The following PCDH7 variants were observed in gnomAD, a reference collection of about 807,000 sequenced individuals.
The protein encoded by PCDH7 is protocadherin 7.
Under a neutral mutation model 58.9 loss-of-function variants are expected in PCDH7, and 17 were observed. That is an observed-to-expected ratio of 0.29 (90% CI 0.20 to 0.43). PCDH7 has a LOEUF of 0.43. PCDH7 is among the 20% of genes least tolerant of loss of function. The pLI, the probability that PCDH7 is intolerant of heterozygous loss-of-function variation, is 1.00. For synonymous variants in PCDH7, 664 were observed against 616.4 expected (o/e 1.08, Z -1.14); for missense variants, 1,274 against 1,441.0 (o/e 0.88, Z 1.88).
chr4:30,989,146 G>A lies in PCDH7; in HGVS notation c.*7+38931G>A, dbSNP rs1176035646. 6.0e-5 allele frequency among the ~76,000 whole-genome samples: 9 copies of A among 149,832 alleles called. No individual in the cohort carries two copies. The East Asian group carries it at 1.8e-3, about 29-fold the overall frequency. ...ACTTTTTGGACAGAATCAAATCACA[G>A]TTTTTTTTTTCCAGAAACTTGTTTC... On this transcript the variant is annotated intron_variant, in intron 3 of 3. Transcript: ENST00000509759.
intron 1 of PCDH7, chr4:30,724,825 A>T: frequency 1.5e-6 from 2 of 1,371,926 alleles, no homozygotes; most frequent in South Asian, 4.0e-5. Context: ...TGAAAGAAGT[A>T]TTCAGAGTAG....
At chr4:31,144,397 C>G (rs1245927112), downstream of PCDH7, 2 of 152,168 alleles carry the variant, frequency 1.3e-5, no homozygotes, top group Admixed American at 1.3e-4. Flanking sequence ...GAGCTACTCA[C>G]TCTATAGAGG....
chr4:30,919,817 C>T (rs1418887276), intron 1 of PCDH7, among the ~76,000 whole-genome samples: 2 of 151,826 alleles, frequency 1.3e-5, no homozygotes, highest in African/African-American at 4.8e-5. Flanking sequence ...TTTTAGAGGC[C>T]ATTTCTGGAA....
chr4:30,962,239 G>A (rs1748500780), intron 3 of PCDH7, among the ~76,000 whole-genome samples: 1 of 152,112 alleles, frequency 6.6e-6, no homozygotes, highest in Non-Finnish European at 1.5e-5. Flanking sequence ...ATAAGCAAAT[G>A]ACTCTCGAAT....
chr4:30,937,919 G>C (rs1298724558), intron 2 of PCDH7, among the ~76,000 whole-genome samples: 1 of 151,226 alleles, frequency 6.6e-6, no homozygotes, highest in Non-Finnish European at 1.5e-5. Flanking sequence ...GGCGTGTGTA[G>C]TTTGCTAATA....
intron 3 of PCDH7, among the ~76,000 whole-genome samples, chr4:31,094,454 TA>T (rs200349371): frequency 5.3e-5 from 8 of 150,230 alleles, no homozygotes; most frequent in South Asian, 2.1e-4. Flanking sequence ...TCTTAAAGAC[TA>T]AAAAAAAAAT....
intron 1 of PCDH7, among the ~76,000 whole-genome samples, chr4:30,785,912 A>C (rs1456150570): frequency 6.6e-6 from 1 of 151,992 alleles, no homozygotes; most frequent in Non-Finnish European, 1.5e-5. Context: ...TACTAACATC[A>C]ATTGTACCAC....
chr4:31,010,699 A>C (rs922231347), intron 3 of PCDH7, among the ~76,000 whole-genome samples: 2 of 151,898 alleles, frequency 1.3e-5, no homozygotes, highest in African/African-American at 2.4e-5. Flanking sequence ...CTAATTTTCA[A>C]CTCTTGTCAC....
chr4:31,028,220 C>T (rs1754604266), intron 3 of PCDH7, among the ~76,000 whole-genome samples: 1 of 152,092 alleles, frequency 6.6e-6, no homozygotes, highest in Non-Finnish European at 1.5e-5. Flanking sequence ...CAGTGTTATA[C>T]ACAGGAATAT....
chr4:30,724,871 C>T, intron 1 of PCDH7: 3 of 1,227,070 alleles, frequency 2.4e-6, no homozygotes, highest in Non-Finnish European at 3.1e-6. Flanking sequence ...CTTGACATCC[C>T]TAATTCATAC....
At chr4:31,096,911 T>TTG (rs797002870) in intron 3 of PCDH7, among the ~76,000 whole-genome samples, 1,604 of 93,998 alleles carry the variant, frequency 0.017, 20 homozygotes, top group African/African-American at 0.1. Flanking sequence ...AATTCCTTGT[T>TTG]TGTGTGTGTG....
chr4:31,010,414 A>C (rs938523603), intron 3 of PCDH7, among the ~76,000 whole-genome samples: 1 of 151,988 alleles, frequency 6.6e-6, no homozygotes, highest in East Asian at 1.9e-4. Context: ...TAGAGAAAAT[A>C]GGTAAATTAA....
At chr4:30,813,643 TTTTAA>T (rs780408387) in intron 1 of PCDH7, among the ~76,000 whole-genome samples, 1 of 152,132 alleles carries the variant, frequency 6.6e-6, no homozygotes, top group Non-Finnish European at 1.5e-5. Flanking sequence ...GCTTACTTTA[TTTTAA>T]TTTATCTTTT....
intron 3 of PCDH7, among the ~76,000 whole-genome samples, chr4:31,127,123 C>A (rs1001622499): frequency 6.6e-6 from 1 of 152,164 alleles, no homozygotes; most frequent in African/African-American, 2.4e-5. Flanking sequence ...GCATGTGTGG[C>A]AGATGGTGGA....
intron 3 of PCDH7, among the ~76,000 whole-genome samples, chr4:31,070,605 C>A (rs1052731040): frequency 6.6e-6 from 1 of 151,970 alleles, no homozygotes. Flanking sequence ...GTTGTGTTAA[C>A]AAAATGATTA....
intron 1 of PCDH7, among the ~76,000 whole-genome samples, chr4:30,827,915 G>A (rs905767255): frequency 6.6e-6 from 1 of 152,104 alleles, no homozygotes; most frequent in Non-Finnish European, 1.5e-5. Context: ...TAAGAACTTA[G>A]GTTTTGTAGT....
At position 31,012,266 on chromosome 4, in the gene PCDH7, A is replaced by G. The variant is rs868079105; in HGVS notation, c.*7+62051A>G. ...AACCAACAAACAACAAAACAAAAAG[A>G]CAAACTTCCTTTCAAGGTTATATAA... On this transcript the variant is annotated intron_variant, in intron 3 of 3. Transcript: ENST00000509759. Among the ~76,000 whole-genome samples the G allele has an allele frequency of 1.3e-4, 20 of 152,258 alleles. No homozygotes were observed. In the South Asian group the frequency reaches 3.9e-3, roughly 30 times the overall value.
intron 1 of PCDH7, among the ~76,000 whole-genome samples, chr4:30,785,110 T>C (rs1272122628): frequency 6.6e-6 from 1 of 152,036 alleles, no homozygotes; most frequent in Non-Finnish European, 1.5e-5. Flanking sequence ...TAGAATGTGA[T>C]AATTAAATGA....
At chr4:30,753,418 G>A (rs1255795174) in intron 1 of PCDH7, among the ~76,000 whole-genome samples, 2 of 152,238 alleles carry the variant, frequency 1.3e-5, no homozygotes, top group African/African-American at 4.8e-5. Context: ...AAACATAGAA[G>A]TGTATTTTCA....
Sources: allele counts gnomAD v4.1 joint callset (sites outside exome capture counted in the v4.1 genomes callset), GRCh38; gene constraint gnomAD v4.1.1; transcripts MANE v1.5; gene names NCBI Gene and HGNC (gene_info 2026-07-23, HGNC 2026-07-21).